ACVR1: variants seen among roughly 807,000 people sequenced by gnomAD.
The protein encoded by ACVR1 is activin A receptor type 1, also known as activin receptor type-1.
ACVR1 carries 38 observed loss-of-function variants against 57.1 expected under a neutral mutation model. That is an observed-to-expected ratio of 0.67 (90% confidence interval 0.51 to 0.87). ACVR1 has a LOEUF of 0.87. Ranked by LOEUF, ACVR1 falls within the 40% of genes least tolerant of loss-of-function variation. The pLI is 0.00. For synonymous variants in ACVR1, 212 were observed against 228.1 expected (o/e 0.93, Z 0.63); for missense variants, 463 against 638.2 (o/e 0.73, Z 2.96).
intron 1 of ACVR1, among the ~76,000 whole-genome samples, chr2:157,871,257 G>A (rs186364494): frequency 2.6e-5 from 4 of 152,280 alleles, no homozygotes; most frequent in East Asian, 1.9e-4. Context: ...GGAGACTGTC[G>A]AAAGGCAAAA....
intron 1 of ACVR1, among the ~76,000 whole-genome samples, chr2:157,864,369 C>T (rs901986768): frequency 6.6e-6 from 1 of 151,944 alleles, no homozygotes; most frequent in Non-Finnish European, 1.5e-5. Context: ...TGCCACCACA[C>T]CTTACTAATT....
intron 2 of ACVR1, among the ~76,000 whole-genome samples, chr2:157,805,881 T>C (rs1336046354): frequency 1.4e-5 from 2 of 146,256 alleles, no homozygotes; most frequent in Admixed American, 1.4e-4. Context: ...TGGAGTGCAG[T>C]GGGATAACCT....
chr2:157,783,947 T>A (rs1205818488), intron 3 of ACVR1, among the ~76,000 whole-genome samples: 3 of 152,180 alleles, frequency 2.0e-5, no homozygotes, highest in African/African-American at 7.2e-5. Context: ...ACACTCACAT[T>A]CGCTACGTGC....
At chr2:157,767,908 T>C (rs993213018) in intron 7 of ACVR1, among the ~76,000 whole-genome samples, 4 of 152,272 alleles carry the variant, frequency 2.6e-5, no homozygotes, top group East Asian at 1.9e-4. Context: ...CTAATAATTA[T>C]TGAGTACTAC....
rs546941906 is a variant in ACVR1 at position 157,862,289 on chromosome 2, CTAT to C, written c.-183+13504_-183+13506del. Among the ~76,000 whole-genome samples, 17 of 152,134 alleles carry C rather than the reference CTAT, an allele frequency of 1.1e-4. No homozygotes were observed. In the East Asian group the frequency reaches 2.9e-3, roughly 26 times the overall value. On this transcript the variant is annotated intron_variant, in intron 1 of 10. Transcript: ENST00000434821. ...CATAATTTATATGAAAGGAATTATA[CTAT>C]GTTTTGAGTGTCCTGCTTTTTTCAT... is the stretch of plus-strand genomic sequence containing the variant.
chr2:157,816,580 G>A (rs1292148862), intron 2 of ACVR1, among the ~76,000 whole-genome samples: 1 of 151,856 alleles, frequency 6.6e-6, no homozygotes, highest in Non-Finnish European at 1.5e-5. Flanking sequence ...CTAGGCAACA[G>A]AGTGAGACCC....
Position 157,737,437 on chromosome 2 carries a change from T to C in ACVR1, c.*94A>G, listed in dbSNP as rs561712664. ...GCAGCCATTTGGGGAGGGAGACAGATGGATTCCATTCTGACAACCAGTCAG... is the reference window on the plus strand; with the variant it reads ...GCAGCCATTTGGGGAGGGAGACAGACGGATTCCATTCTGACAACCAGTCAG... On this transcript the variant is annotated 3_prime_UTR_variant, in exon 11 of 11. Transcript: ENST00000434821. 2.0e-6 allele frequency: 3 copies of C among 1,501,642 alleles called. No homozygotes were observed. The highest frequency in any genetic ancestry group is 2.7e-6 in the Non-Finnish European group (3 of 1,096,902). 93.0% of individuals were successfully genotyped at this position (1,501,642 alleles called of 1,614,324 possible).
At chr2:157,828,762 T>TTTTG (rs144178472) in intron 1 of ACVR1, among the ~76,000 whole-genome samples, 1 of 151,914 alleles carries the variant, frequency 6.6e-6, no homozygotes, top group Non-Finnish European at 1.5e-5. Flanking sequence ...TTTTTTGTTT[T>TTTTG]TTTGTTTGTT....
intron 8 of ACVR1, 119 bp from the exon 9 acceptor site, chr2:157,761,196 C>T (rs7567135): frequency 2.3e-6 from 2 of 883,754 alleles, no homozygotes; most frequent in Admixed American, 4.1e-5. Context: ...GTCACTGTTG[C>T]AATACACTCA....
At chr2:157,756,013 T>A (rs1685412475) in intron 9 of ACVR1, among the ~76,000 whole-genome samples, 1 of 151,714 alleles carries the variant, frequency 6.6e-6, no homozygotes, top group Non-Finnish European at 1.5e-5. Flanking sequence ...TAAACCCAAA[T>A]ACTTAACATC....
Position 157,830,146 on chromosome 2 carries a change from G to A in ACVR1, c.-182-11587C>T, listed in dbSNP as rs189503065. On this transcript the variant is annotated intron_variant, in intron 1 of 10. Transcript: ENST00000434821. ...AGGCAGGAGAATTGCTTGAACCCAG[G>A]AGGCGGAGGTTTCAGTGAGCCGAGA... Among the ~76,000 whole-genome samples the A allele has an allele frequency of 9.7e-4, 148 of 152,288 alleles. 2 individuals are homozygous for A. The highest frequency in any genetic ancestry group is 3.5e-3 in the African/African-American group (144 of 41,574).
At chr2:157,837,365 C>T (rs930443333) in intron 1 of ACVR1, among the ~76,000 whole-genome samples, 1 of 152,074 alleles carries the variant, frequency 6.6e-6, no homozygotes, top group Non-Finnish European at 1.5e-5. Context: ...CTTACCTGGC[C>T]CACAGTCACA....
At chr2:157,747,885 T>G (rs1685033744) in intron 9 of ACVR1, among the ~76,000 whole-genome samples, 1 of 152,054 alleles carries the variant, frequency 6.6e-6, no homozygotes, top group Non-Finnish European at 1.5e-5. Flanking sequence ...GGAGATACCC[T>G]TATCTCCCCT....
At chr2:157,801,168 CT>C (rs1687311615) in intron 2 of ACVR1, among the ~76,000 whole-genome samples, 1 of 152,174 alleles carries the variant, frequency 6.6e-6, no homozygotes, top group African/African-American at 2.4e-5. Flanking sequence ...TAGAAAATAA[CT>C]TGAGACTTAA....
chr2:157,826,715 GGAAAGGAAAGGAAA>G (rs1688369981), intron 1 of ACVR1: 1 of 6,854 alleles, frequency 1.5e-4, no homozygotes, highest in Non-Finnish European at 2.7e-4. Flanking sequence ...GGAAAGGAAA[GGAAAGGAAAGGAAA>G]GGAAAGGAAA....
chr2:157,764,134 CGGTGA>C (rs1685767396), intron 8 of ACVR1, among the ~76,000 whole-genome samples: 1 of 152,024 alleles, frequency 6.6e-6, no homozygotes, highest in African/African-American at 2.4e-5. Flanking sequence ...TACCAGAATC[CGGTGA>C]GGTGGGCTTA....
intron 1 of ACVR1, among the ~76,000 whole-genome samples, chr2:157,873,137 A>T (rs1690167027): frequency 6.6e-6 from 1 of 152,126 alleles, no homozygotes; most frequent in Non-Finnish European, 1.5e-5. Context: ...AGTAAGTGGG[A>T]CTCAGCCATG....
chr2:157,811,151 G>T (rs1159383666), intron 2 of ACVR1, among the ~76,000 whole-genome samples: 1 of 82,014 alleles, frequency 1.2e-5, no homozygotes, highest in Non-Finnish European at 3.7e-5. Flanking sequence ...GCACTCTCAG[G>T]TATCTTTACT....
intron 1 of ACVR1, among the ~76,000 whole-genome samples, chr2:157,822,666 A>G (rs549994751): frequency 1.3e-5 from 2 of 152,346 alleles, no homozygotes; most frequent in Admixed American, 1.3e-4. Flanking sequence ...ATGTTATGCC[A>G]GTAGCGGGCA....
Sources: gnomAD v4.1 joint callset for allele counts (sites outside exome capture counted in the v4.1 genomes callset) on GRCh38, gnomAD v4.1.1 for gene constraint, MANE v1.5 for transcripts, NCBI Gene and HGNC (gene_info 2026-07-23, HGNC 2026-07-21) for gene names.